SEMA4D: variants seen among roughly 807,000 people sequenced by gnomAD.
SEMA4D encodes semaphorin 4D, also known as semaphorin-4D.
Under a neutral mutation model 74.8 loss-of-function variants are expected in SEMA4D, and 22 were observed. That is an observed-to-expected ratio of 0.29 (90% CI 0.21 to 0.42). The LOEUF is 0.42. Among genes scored for constraint, SEMA4D ranks in the 10% least tolerant of loss-of-function variants. SEMA4D has a pLI of 1.00. For synonymous variants in SEMA4D, 445 were observed against 463.7 expected (o/e 0.96, Z 0.52); for missense variants, 937 against 1,118.4 (o/e 0.84, Z 2.31).
At position 89,389,029 on chromosome 9, in the gene SEMA4D, T is replaced by C; in HGVS notation, c.793A>G (p.Arg265Gly). The change falls in exon 10 of 16, where the codon AGG (arginine) becomes GGG (glycine). Residue 265 changes from arginine to glycine, a missense_variant. Transcript: ENST00000422704. The part of the protein sequence containing the change: ...RVCKGDQGGL[R>G]TLQKKWTSFL... ...GAGGTCCATTTCTTCTGCAAGGTCC[T>C]CAGGCCGCCCTGGTCCCCCTAAAAC... 6.2e-7 allele frequency: 1 copy of C among 1,614,072 alleles called. No individual in the cohort carries two copies. The highest frequency in any genetic ancestry group is 8.5e-7 in the Non-Finnish European group (1 of 1,180,006).
chr9:89,427,841 G>A (rs990231169), intron 2 of SEMA4D, among the ~76,000 whole-genome samples: 4 of 152,216 alleles, frequency 2.6e-5, no homozygotes, highest in Admixed American at 6.5e-5. Flanking sequence ...CACGTGGGGA[G>A]GAGCTGGTGA....
At chr9:89,375,805 A>G (rs1024991881), downstream of SEMA4D, among the ~76,000 whole-genome samples, 3 of 152,236 alleles carry the variant, frequency 2.0e-5, no homozygotes, top group African/African-American at 7.2e-5. Flanking sequence ...TTTCCAATCC[A>G]GGGCAAATGC....
intron 2 of SEMA4D, among the ~76,000 whole-genome samples, chr9:89,422,734 C>T (rs550506401): frequency 6.6e-6 from 1 of 152,344 alleles, no homozygotes; most frequent in African/African-American, 2.4e-5. Context: ...GGCCAAGAAT[C>T]TTTTCTGTCT....
intron 13 of SEMA4D, chr9:89,385,695 G>A (rs780769594): frequency 3.4e-4 from 168 of 500,136 alleles, no homozygotes; most frequent in Non-Finnish European, 4.1e-4. Context: ...TTGCAAATAC[G>A]CACCTGCCAA....
chr9:89,368,631 A>G (rs1301961807), intron 16 of SEMA4D: 1 of 152,330 alleles, frequency 6.6e-6, no homozygotes, highest in African/African-American at 2.4e-5. Flanking sequence ...CCCCTGCCAC[A>G]TAGGTAGCAA....
intron 11 of SEMA4D, among the ~76,000 whole-genome samples, chr9:89,387,888 T>C (rs938512710): frequency 2.0e-5 from 3 of 152,228 alleles, no homozygotes; most frequent in Admixed American, 6.5e-5. Context: ...AAAACACTTA[T>C]TGAGCTTTTG....
chr9:89,420,464 A>T (rs924066690), intron 2 of SEMA4D, among the ~76,000 whole-genome samples: 3 of 152,202 alleles, frequency 2.0e-5, no homozygotes, highest in Non-Finnish European at 4.4e-5. Context: ...AGAGAGAAGC[A>T]TTTCCCTCTC....
chr9:89,361,988 G>A (rs1832796896), exon 19 of SEMA4D: 1 of 286,346 alleles, frequency 3.5e-6, no homozygotes, highest in Non-Finnish European at 6.7e-6. Flanking sequence ...CTATTAGGGG[G>A]TGGGGGCACT....
chr9:89,402,259 A>G (rs11265912), intron 4 of SEMA4D, among the ~76,000 whole-genome samples: 1,834 of 152,326 alleles, frequency 0.012, 37 homozygotes, highest in African/African-American at 0.042. Flanking sequence ...TGGGCTGTGC[A>G]GAGTAGCTTT....
intron 1 of SEMA4D, among the ~76,000 whole-genome samples, chr9:89,494,700 G>C (rs185946459): frequency 1.6e-3 from 246 of 152,168 alleles, no homozygotes; most frequent in African/African-American, 5.4e-3. Context: ...CATGCAAGTA[G>C]GCAGAACAGA....
At chr9:89,445,373 A>G (rs1019332988) in intron 2 of SEMA4D, among the ~76,000 whole-genome samples, 4 of 152,160 alleles carry the variant, frequency 2.6e-5, no homozygotes, top group Non-Finnish European at 4.4e-5. Flanking sequence ...GTGACCACAA[A>G]CTGGGTGGCT....
chr9:89,459,798 C>T (rs979882835), intron 1 of SEMA4D, among the ~76,000 whole-genome samples: 1 of 152,212 alleles, frequency 6.6e-6, no homozygotes, highest in South Asian at 2.1e-4. Context: ...CCACACGCCA[C>T]AAGACCCAGG....
exon 19 of SEMA4D, chr9:89,362,120 A>G (rs1407973591): frequency 1.7e-6 from 1 of 574,386 alleles, no homozygotes; most frequent in Non-Finnish European, 3.1e-6. Flanking sequence ...AAAGCCTGTT[A>G]GCCATCCTGG....
At chr9:89,403,124 C>G in intron 3 of SEMA4D, 108 bp from the exon 4 acceptor site, 1 of 1,311,752 alleles carries the variant, frequency 7.6e-7, no homozygotes, top group Non-Finnish European at 1.1e-6. Context: ...ATGAGCACGT[C>G]TGGGTGCAGT....
intron 16 of SEMA4D, among the ~76,000 whole-genome samples, chr9:89,370,660 G>A (rs1175305107): frequency 2.7e-5 from 4 of 149,792 alleles, no homozygotes; most frequent in South Asian, 2.1e-4. Context: ...TGCGGTATAC[G>A]TCATGCTCAT....
chr9:89,487,114 T>A (rs945955710), intron 1 of SEMA4D, among the ~76,000 whole-genome samples: 1 of 150,788 alleles, frequency 6.6e-6, no homozygotes, highest in South Asian at 2.1e-4. Context: ...CTTAATAAAA[T>A]TGCAGCAAAT....
intron 1 of SEMA4D, among the ~76,000 whole-genome samples, chr9:89,493,715 T>C (rs1018118500): frequency 2.6e-5 from 4 of 152,238 alleles, no homozygotes; most frequent in Non-Finnish European, 4.4e-5. Context: ...CTTTTTACTT[T>C]GTAGACTTCT....
In SEMA4D at chr9:89,387,744, G is replaced by A. The variant is rs750200857; in HGVS notation, c.1108-136C>T. ...TGCATGCCTTGAAATGAGGGTAGCA[G>A]TGAATAACTTTACTATGAGGAAAGG... On this transcript the variant is annotated intron_variant, in intron 11 of 15. Transcript: ENST00000422704. The A allele has an allele frequency of 5.8e-6, 4 of 693,604 alleles. No individual in the cohort carries two copies. In the Admixed American group the frequency reaches 1.0e-4, roughly 18 times the overall value. 43.0% of individuals were successfully genotyped at this position (693,604 alleles called of 1,614,324 possible).
At chr9:89,472,011 T>G (rs979785209) in intron 1 of SEMA4D, among the ~76,000 whole-genome samples, 1 of 152,104 alleles carries the variant, frequency 6.6e-6, no homozygotes, top group East Asian at 1.9e-4. Flanking sequence ...CTCAGATGCA[T>G]ACAGGCTGAG....
Sources: gnomAD v4.1 joint callset for allele counts (sites outside exome capture counted in the v4.1 genomes callset) on GRCh38, gnomAD v4.1.1 for gene constraint, MANE v1.5 for transcripts, NCBI Gene and HGNC (gene_info 2026-07-23, HGNC 2026-07-21) for gene names.